The following KSR2 variants were observed in gnomAD, a reference collection of about 807,000 sequenced individuals.
KSR2 encodes kinase suppressor of ras 2.
KSR2 carries 25 observed loss-of-function variants against 107.8 expected under a neutral mutation model. The ratio of observed to expected loss-of-function variants is 0.23; its 90% CI spans 0.17 to 0.32. KSR2 has a LOEUF of 0.32. Among genes scored for constraint, KSR2 ranks in the 10% least tolerant of loss-of-function variants. The pLI is 1.00. For synonymous variants in KSR2, 480 were observed against 507.0 expected (o/e 0.95, Z 0.71); for missense variants, 887 against 1,268.9 (o/e 0.70, Z 4.57).
intron 6 of KSR2, among the ~76,000 whole-genome samples, chr12:117,579,554 T>C (rs1879516710): frequency 6.6e-6 from 1 of 152,204 alleles, no homozygotes; most frequent in Non-Finnish European, 1.5e-5. Context: ...TCAACAAATA[T>C]TGCCTGGTGG....
At chr12:117,767,586 G>A (rs571386616) in intron 3 of KSR2, among the ~76,000 whole-genome samples, 2 of 151,704 alleles carry the variant, frequency 1.3e-5, no homozygotes, top group East Asian at 3.9e-4. Context: ...GATCACTTCA[G>A]GCCAGAAGTT....
intron 14 of KSR2, among the ~76,000 whole-genome samples, chr12:117,505,060 A>G (rs1368896868): frequency 1.3e-5 from 2 of 152,178 alleles, no homozygotes; most frequent in Non-Finnish European, 2.9e-5. Flanking sequence ...AGCTTCATCC[A>G]AGTTGCTGCA....
Position 117,903,158 on chromosome 12 carries a change from G to A in KSR2, c.181-42727C>T, listed in dbSNP as rs761209783. ...GATTTTCTTTCAGTTACATTTTGTC[G>A]TCAGGTTTGATAGAATTATGGTAAG... On this transcript the variant is annotated intron_variant, in intron 1 of 19. Transcript: ENST00000339824. 3.4e-4 allele frequency among the ~76,000 whole-genome samples: 51 copies of A among 152,170 alleles called. 1 individual carries two copies. Among genetic ancestry groups the A allele is most frequent in the Middle Eastern group, 6.8e-3 (2 of 294 alleles).
chr12:117,885,053 T>C (rs554066644), intron 1 of KSR2, among the ~76,000 whole-genome samples: 10 of 152,240 alleles, frequency 6.6e-5, no homozygotes, highest in Non-Finnish European at 1.2e-4. Context: ...GATATGTTAC[T>C]TCACCCACCG....
intron 1 of KSR2, among the ~76,000 whole-genome samples, chr12:117,939,944 A>AACACACAC (rs10561468): frequency 0.015 from 2,068 of 140,130 alleles, 50 homozygotes; most frequent in African/African-American, 0.052. Context: ...CCATCTTAAA[A>AACACACAC]ACACACACAC....
Position 117,943,638 on chromosome 12 carries a change from G to C in KSR2, c.180+24438C>G, listed in dbSNP as rs145747774. 3.4e-3 allele frequency among the ~76,000 whole-genome samples: 515 copies of C among 151,736 alleles called. 3 individuals carry two copies. The highest frequency in any genetic ancestry group is 0.012 in the African/African-American group (492 of 41,376). ...GATACATACAATGGAATATTATTCAGTCATAAAAAAATGAAGTACTAATAC... is the reference window on the plus strand; with the variant it reads ...GATACATACAATGGAATATTATTCACTCATAAAAAAATGAAGTACTAATAC... On this transcript the variant is annotated intron_variant, in intron 1 of 19. Coordinates refer to ENST00000339824, the MANE Select transcript of KSR2 (RefSeq NM_173598.6).
chr12:117,731,274 G>T (rs2136729564), intron 4 of KSR2, among the ~76,000 whole-genome samples: 1 of 150,142 alleles, frequency 6.7e-6, no homozygotes, highest in East Asian at 2.0e-4. Context: ...CCTCCCAGCA[G>T]CCGCCCCGTC....
Position 117,464,950 on chromosome 12 carries a change from A to T in KSR2, c.*2249T>A, listed in dbSNP as rs1256413826. ...GGTTGGACATTTTAGTTAATTCTGG[A>T]AACAAGAGAGGCAAGAGTGAGAAGG... On this transcript the variant is annotated 3_prime_UTR_variant, in exon 20 of 20. Transcript: ENST00000339824. 6.6e-6 allele frequency: 1 copy of T among 152,264 alleles called. No homozygotes were observed. The highest frequency in any genetic ancestry group is 1.5e-5 in the Non-Finnish European group (1 of 68,076). The allele number at this position is 152,264 out of a possible 1,614,324, so 9.4% of individuals were successfully genotyped here.
intron 1 of KSR2, among the ~76,000 whole-genome samples, chr12:117,939,944 A>ACAC (rs1895958310): frequency 1.1e-4 from 16 of 140,070 alleles, no homozygotes; most frequent in African/African-American, 4.0e-4. Flanking sequence ...CCATCTTAAA[A>ACAC]ACACACACAC....
intron 1 of KSR2, among the ~76,000 whole-genome samples, chr12:117,933,375 G>C (rs1342633260): frequency 6.6e-6 from 1 of 152,128 alleles, no homozygotes; most frequent in African/African-American, 2.4e-5. Context: ...CAGATCACGA[G>C]GTCAGGAGAT....
At position 117,772,484 on chromosome 12, in the gene KSR2, ACACT is replaced by A. The variant is rs370302706; in HGVS notation, c.473-10964_473-10961del. Among the ~76,000 whole-genome samples, 155 of 146,638 alleles carry A rather than the reference ACACT, an allele frequency of 1.1e-3. 2 individuals carry two copies. The highest frequency in any genetic ancestry group is 3.4e-3 in the African/African-American group (132 of 39,194). ...ACACCATTCCCCCAAAGACGCACAC[ACACT>A]CACACATACACATCATTCCCCCAAA... On this transcript the variant is annotated intron_variant, in intron 3 of 19. Coordinates refer to ENST00000339824, the MANE Select transcript of KSR2 (RefSeq NM_173598.6).
chr12:117,584,520 G>A (rs1879877376), intron 5 of KSR2, among the ~76,000 whole-genome samples: 1 of 152,184 alleles, frequency 6.6e-6, no homozygotes, highest in Non-Finnish European at 1.5e-5. Flanking sequence ...AAAGAAGTGT[G>A]TTAAAATGGA....
intron 4 of KSR2, among the ~76,000 whole-genome samples, chr12:117,760,782 G>A (rs959274264): frequency 6.6e-6 from 1 of 152,206 alleles, no homozygotes; most frequent in African/African-American, 2.4e-5. Context: ...ATCAGATTTA[G>A]CCCCTAGGCC....
chr12:117,832,392 C>A (rs1892009032), intron 3 of KSR2, among the ~76,000 whole-genome samples: 1 of 152,220 alleles, frequency 6.6e-6, no homozygotes, highest in Admixed American at 6.5e-5. Flanking sequence ...AAATTCCCCC[C>A]TCTTCTTTGC....
At chr12:117,701,492 A>T (rs557892994) in intron 4 of KSR2, among the ~76,000 whole-genome samples, 23 of 152,228 alleles carry the variant, frequency 1.5e-4, no homozygotes, top group Non-Finnish European at 3.4e-4. Context: ...CAAATTCTTT[A>T]GCATCATCTC....
At chr12:117,551,511 G>A (rs930690370) in intron 9 of KSR2, among the ~76,000 whole-genome samples, 2 of 152,124 alleles carry the variant, frequency 1.3e-5, no homozygotes, top group African/African-American at 2.4e-5. Context: ...GCCCACAGTC[G>A]TACAGCAAGT....
chr12:117,757,647 C>T lies in KSR2; in HGVS notation c.986+3364G>A, dbSNP rs141354587. ...TTCAGCTACCATCACCTTGATCAGT[C>T]GGCAGCCATCAACATTGAAGCAAGA... On this transcript the variant is annotated intron_variant, in intron 4 of 19. Transcript: ENST00000339824. 9.8e-5 allele frequency among the ~76,000 whole-genome samples: 15 copies of T among 152,300 alleles called. No homozygotes were observed. The East Asian group carries it at 1.5e-3, about 16-fold the overall frequency.
intron 5 of KSR2, among the ~76,000 whole-genome samples, chr12:117,595,576 GA>G (rs2136279352): frequency 6.6e-6 from 1 of 151,750 alleles, no homozygotes; most frequent in African/African-American, 2.4e-5. Context: ...TGTTAGCCAG[GA>G]TGGTCTCGAT....
intron 3 of KSR2, among the ~76,000 whole-genome samples, chr12:117,793,982 ACACATACACCAACATG>A (rs1890442162): frequency 8.4e-6 from 1 of 119,346 alleles, no homozygotes; most frequent in Non-Finnish European, 1.7e-5. Context: ...CACACCATGC[ACACATACACCAACATG>A]CACACACACC....
Sources: allele counts gnomAD v4.1 joint callset (sites outside exome capture counted in the v4.1 genomes callset), GRCh38; gene constraint gnomAD v4.1.1; transcripts MANE v1.5; gene names NCBI Gene and HGNC (gene_info 2026-07-23, HGNC 2026-07-21).